Variants in PPIG observed in about 807,000 individuals in gnomAD.
PPIG encodes peptidylprolyl isomerase G.
PPIG carries 26 observed loss-of-function variants against 87.9 expected under a neutral mutation model. That is an observed-to-expected ratio of 0.30 (90% CI 0.22 to 0.41). The LOEUF (loss-of-function observed/expected upper bound fraction) is 0.41, where lower values mean the gene tolerates loss of function less well. PPIG is among the 10% of genes least tolerant of loss of function. PPIG has a pLI of 1.00. For missense variants in PPIG, 722 were observed against 879.4 expected, an observed-to-expected ratio of 0.82 and a Z score of 2.26; for synonymous variants, 308 against 276.5, an observed-to-expected ratio of 1.11 and a Z score of -1.13.
At chr2:169,609,728 A>G (rs72623201) in intron 7 of PPIG, among the ~76,000 whole-genome samples, 27,100 of 152,098 alleles carry the variant, frequency 0.18, 2,714 homozygotes, top group African/African-American at 0.26. Context: ...TAGAATGTCA[A>G]CTAATAAATT....
At chr2:169,615,004 G>A (rs1030287987) in intron 9 of PPIG, among the ~76,000 whole-genome samples, 2 of 151,830 alleles carry the variant, frequency 1.3e-5, no homozygotes, top group Admixed American at 1.3e-4. Flanking sequence ...TTTTTGTGGT[G>A]AGAAGAACAC....
intron 5 of PPIG, 48 bp from the exon 6 acceptor site, chr2:169,607,056 C>A: frequency 8.0e-7 from 1 of 1,251,476 alleles, no homozygotes; most frequent in East Asian, 2.4e-5. Flanking sequence ...TAGGTATCAC[C>A]TTTGAGGAGC....
chr2:169,624,600 G>T (rs1685834925), intron 9 of PPIG, among the ~76,000 whole-genome samples: 1 of 152,036 alleles, frequency 6.6e-6, no homozygotes, highest in East Asian at 1.9e-4. Flanking sequence ...TTGTTTGTTT[G>T]TTTTTGAGAT....
intron 5 of PPIG, among the ~76,000 whole-genome samples, chr2:169,606,688 A>G (rs1685339057): frequency 6.6e-6 from 1 of 151,846 alleles, no homozygotes; most frequent in Non-Finnish European, 1.5e-5. Context: ...ACAACACTGC[A>G]TTCATCTCAG....
intron 1 of PPIG, among the ~76,000 whole-genome samples, chr2:169,597,215 A>T (rs1685043938): frequency 6.6e-6 from 1 of 152,188 alleles, no homozygotes; most frequent in African/African-American, 2.4e-5. Context: ...ATATGAGGTT[A>T]TAAAGTGAAA....
intron 7 of PPIG, among the ~76,000 whole-genome samples, chr2:169,609,241 T>C (rs887585065): frequency 2.6e-5 from 4 of 152,092 alleles, no homozygotes; most frequent in Admixed American, 2.6e-4. Context: ...GACAAGGTCT[T>C]GCTCTGTCAC....
intron 1 of PPIG, among the ~76,000 whole-genome samples, chr2:169,594,341 A>AT (rs1464924792): frequency 6.8e-6 from 1 of 147,586 alleles, no homozygotes; most frequent in Non-Finnish European, 1.5e-5. Flanking sequence ...AAAAAAACGC[A>AT]TTTTATTAGT....
chr2:169,629,734 G>T (rs546217848), intron 9 of PPIG, among the ~76,000 whole-genome samples: 1 of 152,170 alleles, frequency 6.6e-6, no homozygotes, highest in Non-Finnish European at 1.5e-5. Context: ...TGGGTTATCA[G>T]TGCCTCACAA....
chr2:169,638,338 CTT>C lies in PPIG; in HGVS notation c.*817_*818del, dbSNP rs938202763. 7.4e-6 allele frequency: 1 copy of C among 135,684 alleles called. No homozygotes were observed. Among genetic ancestry groups the C allele is most frequent in the Non-Finnish European group, 1.5e-5 (1 of 65,008 alleles). 8.4% of individuals were successfully genotyped at this position (135,684 alleles called of 1,614,324 possible). ...TAATTATTAATTACCCTTCTCTAAACTTTAAAAAAAAAAAAGCTTTTCTCATT... is the reference window on the plus strand; with the variant it reads ...TAATTATTAATTACCCTTCTCTAAACTAAAAAAAAAAAAGCTTTTCTCATT... On this transcript the variant is annotated 3_prime_UTR_variant, in exon 14 of 14. Coordinates refer to ENST00000260970, the MANE Select transcript of PPIG (RefSeq NM_004792.3).
rs1684642220 is a variant in PPIG at position 169,584,479 on chromosome 2, C to T, written c.-81C>T. The T allele has an allele frequency of 4.2e-6, 2 of 470,854 alleles. No homozygotes were observed. The highest frequency in any genetic ancestry group is 8.8e-6 in the Non-Finnish European group (2 of 226,956). The allele number at this position is 470,854 out of a possible 1,614,324, so 29.2% of individuals were successfully genotyped here. ...ACCGGACCCAGAGAAGAGGAAAACT[C>T]TACCGGTGCAGGTAAGTGGTATGAG... On this transcript the variant is annotated 5_prime_UTR_variant, in exon 1 of 14. Coordinates refer to ENST00000260970, the MANE Select transcript of PPIG (RefSeq NM_004792.3).
rs1418230966 is a variant in PPIG, at chr2:169,604,327, G to GGTT, written c.136+66_136+67insGTT. 66 of 347,436 alleles carry GGTT rather than the reference G, an allele frequency of 1.9e-4. No individual in the cohort carries two copies. The African/African-American group carries it at 2.6e-3, about 14-fold the overall frequency. 21.5% of individuals were successfully genotyped at this position (347,436 alleles called of 1,614,324 possible). A position where few individuals can be genotyped will look rare whatever the true frequency, so the allele number is the denominator to read the frequency against. The stretch of plus-strand genomic sequence containing the variant: ...TGACTATGGCTTGCTTGCTTGCTTG[G>GGTT]TTTTTTTTTTTTTTTTTTTTTTTTT... On this transcript the variant is annotated intron_variant, in intron 4 of 13. Coordinates refer to ENST00000260970, the MANE Select transcript of PPIG (RefSeq NM_004792.3).
chr2:169,614,339 T>C, intron 7 of PPIG, 125 bp from the exon 8 acceptor site: 1 of 828,464 alleles, frequency 1.2e-6, no homozygotes, highest in South Asian at 1.6e-5. Flanking sequence ...TATATTAAGA[T>C]AGCAGTTGAT....
In PPIG at chr2:169,621,943, T is replaced by G. The variant is rs72887849; in HGVS notation, c.547+7219T>G. On this transcript the variant is annotated intron_variant, in intron 9 of 13. Coordinates refer to ENST00000260970, the MANE Select transcript of PPIG (RefSeq NM_004792.3). ...TCTTCCCTACCAAAAAAAAAAAAAA[T>G]TTTTTTTTAATTAACCATGTGTAGT... 1.0e-4 allele frequency among the ~76,000 whole-genome samples: 3 copies of G among 28,968 alleles called. No individual in the cohort carries two copies. The East Asian group carries it at 1.8e-3, about 17-fold the overall frequency. 19.0% of individuals were successfully genotyped at this position (28,968 alleles called of 152,430 possible).
intron 6 of PPIG, among the ~76,000 whole-genome samples, chr2:169,608,218 C>T (rs150837355): frequency 1.8e-3 from 269 of 151,088 alleles, no homozygotes; most frequent in African/African-American, 6.1e-3. Flanking sequence ...AGGCTGGGCA[C>T]GGTGGCTCAT....
Position 169,606,269 on chromosome 2 carries a change from A to G in PPIG, c.244+123A>G, listed in dbSNP as rs1293150384. On this transcript the variant is annotated intron_variant, in intron 5 of 13. Transcript: ENST00000260970. ...TCTCACTCCATTTAATCTTTGGTCA[A>G]TTAGAAGTACTCATAGAAATATGTA... is the stretch of plus-strand genomic sequence containing the variant. 7.9e-6 allele frequency: 6 copies of G among 759,582 alleles called. No individual in the cohort carries two copies. In the African/African-American group the frequency reaches 1.1e-4, roughly 14 times the overall value. 47.1% of individuals were successfully genotyped at this position (759,582 alleles called of 1,614,324 possible).
intron 9 of PPIG, 129 bp downstream of exon 9, chr2:169,614,853 C>G: frequency 1.8e-6 from 2 of 1,112,554 alleles, no homozygotes; most frequent in Non-Finnish European, 2.5e-6. Context: ...AAATGTATTT[C>G]TGTGCTTTTA....
Position 169,637,052 on chromosome 2 carries a change from CAGG to C in PPIG, c.1797_1799del (p.Arg601del), listed in dbSNP as rs747305610. ...ACCATAGATACAGAGAACAGGAATACAGGAGAAGAGGACGGTCACGAAGCCGAG... is the reference window on the plus strand; with the variant it reads ...ACCATAGATACAGAGAACAGGAATACAGAAGAGGACGGTCACGAAGCCGAG... On this transcript the variant is annotated inframe_deletion, in exon 14 of 14. Transcript: ENST00000260970. The C allele has an allele frequency of 3.1e-6, 5 of 1,613,506 alleles. No homozygotes were observed. The South Asian group carries it at 3.3e-5, about 11-fold the overall frequency.
chr2:169,622,201 A>C (rs1412147865), intron 9 of PPIG, among the ~76,000 whole-genome samples: 1 of 152,074 alleles, frequency 6.6e-6, no homozygotes, highest in Non-Finnish European at 1.5e-5. Flanking sequence ...TGGACGGATC[A>C]CTTGAGGTCA....
chr2:169,636,580 A>G lies in PPIG; in HGVS notation c.1322A>G (p.Asn441Ser). 1.9e-6 allele frequency: 3 copies of G among 1,597,992 alleles called. No individual in the cohort carries two copies. Among genetic ancestry groups the G allele is most frequent in the Non-Finnish European group, 2.6e-6 (3 of 1,176,194 alleles). ...SNSKERDIRRNSEKDDKYKNK... is the reference protein window; with the variant it reads ...SNSKERDIRRSSEKDDKYKNK... Reference sequence around the variant, plus strand: ...AGCAAAGAGAGAGACATCAGAAGAAATTCAGAAAAAGATGACAAGTATAAA... The same window carrying G: ...AGCAAAGAGAGAGACATCAGAAGAAGTTCAGAAAAAGATGACAAGTATAAA... Residue 441 changes from asparagine (N) to serine (S), a missense_variant, in exon 14 of 14, where the codon AAT becomes AGT. This residue lies in a region of PPIG where 476 missense variants were observed against 483.1 expected (regional missense o/e 0.99). Transcript: ENST00000260970.
Sources: allele counts gnomAD v4.1 joint callset (sites outside exome capture counted in the v4.1 genomes callset), GRCh38; gene constraint gnomAD v4.1.1; regional missense constraint gnomAD v4.1.1; transcripts MANE v1.5; gene names NCBI Gene and HGNC (gene_info 2026-07-23, HGNC 2026-07-21).